Variants in GPR158 observed in about 807,000 individuals in gnomAD.
GPR158 encodes G protein-coupled receptor 158.
A neutral mutation model predicts 78.2 loss-of-function variants in GPR158; 30 were observed. The ratio of observed to expected loss-of-function variants is 0.38; its 90% CI spans 0.29 to 0.52. The LOEUF (loss-of-function observed/expected upper bound fraction) is 0.52, where lower values mean the gene tolerates loss of function less well. GPR158 is among the 20% of genes least tolerant of loss of function. The pLI, the probability that GPR158 is intolerant of heterozygous loss-of-function variation, is 0.83. For missense variants in GPR158, 1,463 were observed against 1,523.5 expected (o/e 0.96, Z 0.66); for synonymous variants, 581 against 591.1 (o/e 0.98, Z 0.25).
rs1270373253 is a variant in GPR158 at position 25,550,980 on chromosome 10, T to G, written c.1409T>G (p.Val470Gly). The change falls in exon 6 of 11, where the codon GTT (valine) becomes GGT (glycine). Residue 470 changes from valine to glycine, a missense_variant. Val to Gly is a moderately radical substitution (Grantham distance 109). Coordinates refer to ENST00000376351, the MANE Select transcript of GPR158 (RefSeq NM_020752.3). ...CTTTCTGTTTTCATCCCACAGGTTG[T>G]TATTTTGTACTTTGAGCCAAGCACA... ...FGSLLLYFPV[V>G]ILYFEPSTFR... 2 of 1,565,218 alleles carry G rather than the reference T, an allele frequency of 1.3e-6. No homozygotes were observed. Among genetic ancestry groups the G allele is most frequent in the East Asian group, 2.2e-5 (1 of 44,618 alleles).
intron 5 of GPR158, among the ~76,000 whole-genome samples, chr10:25,469,512 C>T (rs1036429431): frequency 3.3e-5 from 5 of 152,016 alleles, no homozygotes; most frequent in African/African-American, 1.2e-4. Context: ...TCGGCCGGGC[C>T]TGGTGGCTCA....
chr10:25,335,848 CTAAG>C (rs1352673224), intron 2 of GPR158, among the ~76,000 whole-genome samples: 3 of 151,988 alleles, frequency 2.0e-5, no homozygotes, highest in Non-Finnish European at 4.4e-5. Flanking sequence ...AGAAATATGA[CTAAG>C]TGACTCCAGG....
At chr10:25,298,766 C>T (rs770745109) in intron 2 of GPR158, among the ~76,000 whole-genome samples, 53 of 152,236 alleles carry the variant, frequency 3.5e-4, no homozygotes, top group Middle Eastern at 6.8e-3. Flanking sequence ...TTCAAGTCTT[C>T]TACATTTCCC....
intron 2 of GPR158, among the ~76,000 whole-genome samples, chr10:25,352,597 T>C (rs1034635916): frequency 2.6e-5 from 4 of 151,902 alleles, no homozygotes; most frequent in Non-Finnish European, 5.9e-5. Flanking sequence ...TCAGAGTCTA[T>C]ATGAATATCA....
At chr10:25,315,087 A>T (rs1854829524) in intron 2 of GPR158, among the ~76,000 whole-genome samples, 1 of 151,858 alleles carries the variant, frequency 6.6e-6, no homozygotes, top group South Asian at 2.1e-4. Context: ...TGCACTCGAG[A>T]TGAAAGTGAG....
intron 5 of GPR158, among the ~76,000 whole-genome samples, chr10:25,548,632 A>G (rs1300795831): frequency 6.6e-6 from 1 of 152,198 alleles, no homozygotes; most frequent in East Asian, 1.9e-4. Flanking sequence ...CAACTAAGAA[A>G]GAGTAGACCC....
At chr10:25,189,577 G>A (rs1265464750) in intron 1 of GPR158, among the ~76,000 whole-genome samples, 5 of 151,618 alleles carry the variant, frequency 3.3e-5, no homozygotes, top group Non-Finnish European at 7.4e-5. Flanking sequence ...ATAGGTGGGA[G>A]TTGAACAATG....
At chr10:25,286,140 T>C (rs1854348598) in intron 2 of GPR158, among the ~76,000 whole-genome samples, 1 of 152,190 alleles carries the variant, frequency 6.6e-6, no homozygotes, top group Admixed American at 6.5e-5. Flanking sequence ...CTTTTTCTTG[T>C]ATTTTAGTAT....
intron 1 of GPR158, among the ~76,000 whole-genome samples, chr10:25,192,586 G>A (rs1400711441): frequency 6.6e-6 from 1 of 152,052 alleles, no homozygotes; most frequent in Non-Finnish European, 1.5e-5. Flanking sequence ...GGTATAGAAT[G>A]CCTCTTACTG....
At chr10:25,595,077 T>C (rs1161515666) in intron 9 of GPR158, among the ~76,000 whole-genome samples, 1 of 152,212 alleles carries the variant, frequency 6.6e-6, no homozygotes, top group African/African-American at 2.4e-5. Context: ...TGTTATTATT[T>C]TCCTCTTTTA....
At chr10:25,381,086 G>C (rs1834148192) in intron 2 of GPR158, among the ~76,000 whole-genome samples, 1 of 152,206 alleles carries the variant, frequency 6.6e-6, no homozygotes, top group African/African-American at 2.4e-5. Flanking sequence ...AAGAATGTCA[G>C]CTCGGGGCTG....
chr10:25,357,933 G>T (rs910884151), intron 2 of GPR158, among the ~76,000 whole-genome samples: 1 of 152,096 alleles, frequency 6.6e-6, no homozygotes, highest in Non-Finnish European at 1.5e-5. Context: ...GAAAGCAGCT[G>T]GGAGGGAGGC....
chr10:25,184,544 G>A (rs1032292706), intron 1 of GPR158, among the ~76,000 whole-genome samples: 62 of 152,186 alleles, frequency 4.1e-4, no homozygotes, highest in Admixed American at 4.0e-3. Flanking sequence ...TCTTTTTGAT[G>A]TATGTGAAAT....
chr10:25,401,159 A>G (rs917354530), intron 3 of GPR158, among the ~76,000 whole-genome samples: 6 of 152,158 alleles, frequency 3.9e-5, no homozygotes, highest in Non-Finnish European at 8.8e-5. Context: ...GACTAAGCTC[A>G]GTATCAGTCT....
chr10:25,432,674 T>G (rs1280751703), intron 4 of GPR158, among the ~76,000 whole-genome samples: 3 of 152,196 alleles, frequency 2.0e-5, no homozygotes, highest in Non-Finnish European at 4.4e-5. Context: ...TATTGAAATT[T>G]TATTATGTCC....
At chr10:25,411,933 C>CAA (rs1164005677) in intron 3 of GPR158, among the ~76,000 whole-genome samples, 2 of 47,484 alleles carry the variant, frequency 4.2e-5, no homozygotes, top group East Asian at 9.2e-4. Flanking sequence ...GACTCTATCA[C>CAA]AAAAAAAAAA....
At chr10:25,536,653 G>T (rs1425885958) in intron 5 of GPR158, among the ~76,000 whole-genome samples, 20 of 152,120 alleles carry the variant, frequency 1.3e-4, no homozygotes, top group Admixed American at 1.3e-3. Flanking sequence ...AAATATCTTA[G>T]CTGATAAACT....
chr10:25,563,360 A>G (rs1836883333), intron 6 of GPR158, among the ~76,000 whole-genome samples: 1 of 152,098 alleles, frequency 6.6e-6, no homozygotes, highest in East Asian at 1.9e-4. Flanking sequence ...TAACTCTCTT[A>G]TAGAAAACAT....
At chr10:25,306,778 A>C (rs1292124488) in intron 2 of GPR158, among the ~76,000 whole-genome samples, 1 of 152,164 alleles carries the variant, frequency 6.6e-6, no homozygotes, top group Non-Finnish European at 1.5e-5. Context: ...ATAATCAAGC[A>C]TATAATCCTC....
Sources: allele counts gnomAD v4.1 joint callset (sites outside exome capture counted in the v4.1 genomes callset), GRCh38; gene constraint gnomAD v4.1.1; transcripts MANE v1.5; gene names NCBI Gene and HGNC (gene_info 2026-07-23, HGNC 2026-07-21).